Variants in MICU1 observed in about 807,000 individuals in gnomAD.
MICU1 encodes the protein calcium uptake protein 1, mitochondrial.
Under a neutral mutation model 56.8 loss-of-function variants are expected in MICU1, and 45 were observed. The ratio of observed to expected loss-of-function variants is 0.79; its 90% CI spans 0.62 to 1.02. The LOEUF (loss-of-function observed/expected upper bound fraction) is 1.02. Ranked by LOEUF, MICU1 falls within the 50% of genes least tolerant of loss-of-function variation. The pLI is 0.00. For synonymous variants in MICU1, 186 were observed against 195.1 expected, an observed-to-expected ratio of 0.95 and a Z score of 0.39; for missense variants, 504 against 587.1, an observed-to-expected ratio of 0.86 and a Z score of 1.46.
intron 5 of MICU1, among the ~76,000 whole-genome samples, chr10:72,512,097 G>GTTTTTTTTTT (rs1867471926): frequency 4.0e-5 from 4 of 100,690 alleles, no homozygotes; most frequent in African/African-American, 1.2e-4. Flanking sequence ...TCCATACACA[G>GTTTTTTTTTT]TTGTTTTTTG....
At chr10:72,605,623 A>G (rs955429876) in intron 1 of MICU1, among the ~76,000 whole-genome samples, 3 of 152,220 alleles carry the variant, frequency 2.0e-5, no homozygotes, top group South Asian at 2.1e-4. Flanking sequence ...GCTGATGGTG[A>G]TAATAATTTA....
At chr10:72,612,177 GAAAT>G (rs1018528998) in intron 1 of MICU1, among the ~76,000 whole-genome samples, 3 of 151,320 alleles carry the variant, frequency 2.0e-5, no homozygotes, top group African/African-American at 4.9e-5. Context: ...CAGGCTTAAA[GAAAT>G]AAATAAAATC....
intron 1 of MICU1, among the ~76,000 whole-genome samples, chr10:72,605,395 C>A (rs922493895): frequency 6.6e-6 from 1 of 152,196 alleles, no homozygotes; most frequent in Non-Finnish European, 1.5e-5. Flanking sequence ...AAGAAATAAT[C>A]ATGAATAAAG....
intron 1 of MICU1, among the ~76,000 whole-genome samples, chr10:72,602,271 T>C (rs1366219536): frequency 1.3e-5 from 2 of 151,018 alleles, no homozygotes; most frequent in Non-Finnish European, 3.0e-5. Context: ...GCCAATATGG[T>C]GAAACCCCAT....
At chr10:72,465,838 A>G (rs2132248383) in intron 8 of MICU1, among the ~76,000 whole-genome samples, 1 of 152,166 alleles carries the variant, frequency 6.6e-6, no homozygotes, top group South Asian at 2.1e-4. Flanking sequence ...TCACTCCTAC[A>G]TTTAAAGCCT....
At chr10:72,473,952 G>A (rs141648410) in intron 8 of MICU1, among the ~76,000 whole-genome samples, 112 of 151,852 alleles carry the variant, frequency 7.4e-4, no homozygotes, top group Admixed American at 1.4e-3. Flanking sequence ...TTAAGGTAGG[G>A]CGTGTGTTAA....
intron 8 of MICU1, among the ~76,000 whole-genome samples, chr10:72,436,445 C>T (rs1392958544): frequency 2.0e-5 from 3 of 152,158 alleles, no homozygotes; most frequent in Admixed American, 6.5e-5. Context: ...GATAAAACCA[C>T]AAAGATGGGG....
intron 1 of MICU1, among the ~76,000 whole-genome samples, chr10:72,613,970 C>A (rs1177019176): frequency 6.6e-6 from 1 of 152,074 alleles, no homozygotes; most frequent in Non-Finnish European, 1.5e-5. Context: ...TGTGGCGAAA[C>A]CCCGTCTCAA....
intron 11 of MICU1, among the ~76,000 whole-genome samples, chr10:72,369,812 G>A (rs1220045661): frequency 2.0e-5 from 3 of 151,092 alleles, no homozygotes; most frequent in African/African-American, 7.3e-5. Context: ...AGGTTCAAGC[G>A]ATTCTCCTGC....
intron 1 of MICU1, among the ~76,000 whole-genome samples, chr10:72,593,503 G>A (rs193185074): frequency 1.2e-4 from 18 of 145,850 alleles, no homozygotes; most frequent in Admixed American, 6.9e-4. Flanking sequence ...CAGTCTGGGC[G>A]ACAGTCGGAC....
chr10:72,547,449 T>C (rs1159883315), intron 4 of MICU1, among the ~76,000 whole-genome samples: 1 of 151,876 alleles, frequency 6.6e-6, no homozygotes, highest in Non-Finnish European at 1.5e-5. Context: ...GTCCATTTTA[T>C]TAATTACTGT....
chr10:72,578,264 G>T (rs1159441668), intron 1 of MICU1, among the ~76,000 whole-genome samples: 1 of 151,466 alleles, frequency 6.6e-6, no homozygotes, highest in Non-Finnish European at 1.5e-5. Context: ...TAGCAATAAA[G>T]ATTTTTTTTT....
At chr10:72,512,386 C>T (rs111243003) in intron 5 of MICU1, among the ~76,000 whole-genome samples, 8,057 of 152,036 alleles carry the variant, frequency 0.053, 736 homozygotes, top group African/African-American at 0.18. Flanking sequence ...GGATTACAGG[C>T]GTGAGCCACC....
intron 9 of MICU1, among the ~76,000 whole-genome samples, chr10:72,408,794 C>A (rs564728282): frequency 2.0e-5 from 3 of 152,292 alleles, no homozygotes; most frequent in African/African-American, 7.2e-5. Context: ...ATTGAAGAAT[C>A]ACCAAAGTCA....
intron 1 of MICU1, among the ~76,000 whole-genome samples, chr10:72,573,195 C>T (rs1034218234): frequency 2.1e-4 from 31 of 150,510 alleles, no homozygotes; most frequent in African/African-American, 5.6e-4. Flanking sequence ...ATAGGCCAGC[C>T]GCAGTAGCTC....
chr10:72,411,379 G>A (rs1863808261), intron 9 of MICU1, among the ~76,000 whole-genome samples: 1 of 151,642 alleles, frequency 6.6e-6, no homozygotes, highest in South Asian at 2.1e-4. Flanking sequence ...CCAGGCTGGA[G>A]TGCAGTGGCG....
intron 6 of MICU1, among the ~76,000 whole-genome samples, chr10:72,488,177 G>C (rs1221826142): frequency 8.7e-6 from 1 of 114,964 alleles, no homozygotes; most frequent in Non-Finnish European, 1.8e-5. Flanking sequence ...TGGGCAACAA[G>C]AGCAAAACTC....
At position 72,368,274 on chromosome 10, in the gene MICU1, A is replaced by G; in HGVS notation, c.1352T>C (p.Met451Thr). Residue 451 changes from methionine (M) to threonine (T), a missense_variant, in exon 12 of 12, where the codon ATG becomes ACG. Physicochemically the swap from Met to Thr is moderately conservative, Grantham distance 81. Coordinates refer to ENST00000361114, the MANE Select transcript of MICU1 (RefSeq NM_001195518.2). Reference sequence around the variant, plus strand: ...GGCCTGCATGAGGCGAGTGAAACCCATGTCTTTGGGCTTTTCCAGGCCTCT... The same window carrying G: ...GGCCTGCATGAGGCGAGTGAAACCCGTGTCTTTGGGCTTTTCCAGGCCTCT... Reference protein sequence around the residue: ...LMRGLEKPKDMGFTRLMQAMW... With the variant: ...LMRGLEKPKDTGFTRLMQAMW... 6.2e-7 allele frequency: 1 copy of G among 1,614,044 alleles called. No homozygotes were observed. The highest frequency in any genetic ancestry group is 1.3e-5 in the African/African-American group (1 of 75,044).
chr10:72,381,963 T>TACAC (rs10535513), intron 10 of MICU1, among the ~76,000 whole-genome samples: 14,779 of 138,214 alleles, frequency 0.11, 812 homozygotes, highest in Middle Eastern at 0.17. Context: ...TATATATCTA[T>TACAC]ACACACACAC....
Sources: gnomAD v4.1 joint callset for allele counts (sites outside exome capture counted in the v4.1 genomes callset) on GRCh38, gnomAD v4.1.1 for gene constraint, MANE v1.5 for transcripts, NCBI Gene and HGNC (gene_info 2026-07-23, HGNC 2026-07-21) for gene names.